Variants in TTF1 observed in about 807,000 individuals in gnomAD.
The protein encoded by TTF1 is transcription termination factor 1.
A neutral mutation model predicts 80.2 loss-of-function variants in TTF1; 64 were observed. The ratio of observed to expected loss-of-function variants is 0.80; its 90% confidence interval spans 0.65 to 0.98. TTF1 has a LOEUF of 0.98. Ranked by LOEUF, TTF1 falls within the 50% of genes least tolerant of loss-of-function variation. The probability of loss-of-function intolerance (pLI) is 0.00; values close to 1 mark genes in which losing one functional copy is unlikely to be tolerated. For missense variants in TTF1, 1,023 were observed against 1,086.2 expected (o/e 0.94, Z 0.82); for synonymous variants, 372 against 382.7 (o/e 0.97, Z 0.33).
chr9:132,396,975 T>G (rs1414897745), intron 4 of TTF1, among the ~76,000 whole-genome samples: 1 of 152,050 alleles, frequency 6.6e-6, no homozygotes, highest in East Asian at 1.9e-4. Flanking sequence ...CCTCAGGTGA[T>G]CCGCCCTCCT....
At chr9:132,382,998 G>A (rs1334984242) in intron 9 of TTF1, among the ~76,000 whole-genome samples, 4 of 151,906 alleles carry the variant, frequency 2.6e-5, no homozygotes, top group African/African-American at 9.7e-5. Flanking sequence ...CCGGAAGGTG[G>A]AGGTTGCAGG....
At position 132,380,375 on chromosome 9, in the gene TTF1, G is replaced by A. The variant is rs561492751; in HGVS notation, c.2379-1231C>T. On this transcript the variant is annotated intron_variant, in intron 9 of 10. Coordinates refer to ENST00000334270, the MANE Select transcript of TTF1 (RefSeq NM_007344.4). ...ACTACAGGCATGAGCCACTGCACCT[G>A]GCCCATTATCTCCTTTAGCCTTCCT... 3.3e-5 allele frequency among the ~76,000 whole-genome samples: 5 copies of A among 152,256 alleles called. No homozygotes were observed. In the South Asian group the frequency reaches 1.0e-3, roughly 32 times the overall value.
Position 132,392,378 on chromosome 9 carries a change from C to A in TTF1, c.1857-172G>T, listed in dbSNP as rs74355629. Among the ~76,000 whole-genome samples, 678 of 152,294 alleles carry A rather than the reference C, an allele frequency of 4.5e-3. 14 individuals are homozygous for A. In the East Asian group the frequency reaches 0.053, roughly 12 times the overall value. On this transcript the variant is annotated intron_variant, in intron 5 of 10. Coordinates refer to ENST00000334270, the MANE Select transcript of TTF1 (RefSeq NM_007344.4). ...GGCGTCTCACTGGTGGTCATCCTATCAATCAATCACTGAAGTGGAGACCAG... is the reference window on the plus strand; with the variant it reads ...GGCGTCTCACTGGTGGTCATCCTATAAATCAATCACTGAAGTGGAGACCAG...
chr9:132,395,713 C>T (rs928944600), intron 5 of TTF1, among the ~76,000 whole-genome samples: 2 of 152,154 alleles, frequency 1.3e-5, no homozygotes, highest in Non-Finnish European at 2.9e-5. Flanking sequence ...CAGAGCTAAG[C>T]AGAACTCAAC....
intron 7 of TTF1, among the ~76,000 whole-genome samples, chr9:132,389,824 C>T (rs1473192074): frequency 2.0e-5 from 3 of 152,176 alleles, no homozygotes; most frequent in Non-Finnish European, 1.5e-5. Context: ...CTGAAACTGT[C>T]TCTATGTGAC....
intron 9 of TTF1, among the ~76,000 whole-genome samples, chr9:132,385,448 G>A (rs1237125581): frequency 6.6e-6 from 1 of 152,274 alleles, no homozygotes; most frequent in South Asian, 2.1e-4. Flanking sequence ...TGAGGCGTGG[G>A]AGTCTGGCCT....
chr9:132,381,101 A>G (rs535153773), intron 9 of TTF1, among the ~76,000 whole-genome samples: 4 of 152,264 alleles, frequency 2.6e-5, no homozygotes, highest in East Asian at 1.9e-4. Flanking sequence ...TAAACATGTA[A>G]TTTTATTTAA....
chr9:132,398,073 A>C, intron 4 of TTF1, 68 bp downstream of exon 4: 1 of 1,385,594 alleles, frequency 7.2e-7, no homozygotes, highest in Non-Finnish European at 9.7e-7. Flanking sequence ...GCTAACACTT[A>C]CCATGGGTTA....
At chr9:132,377,544 GGTGT>G (rs1232065046) in intron 10 of TTF1, among the ~76,000 whole-genome samples, 4 of 128,962 alleles carry the variant, frequency 3.1e-5, no homozygotes, top group South Asian at 5.4e-4. Context: ...GAGTGCATGT[GGTGT>G]GTGTGTGAAT....
chr9:132,390,709 T>C lies in TTF1; in HGVS notation c.2110A>G (p.Asn704Asp). The C allele has an allele frequency of 6.2e-7, 1 of 1,614,238 alleles. No individual in the cohort carries two copies. Residue 704 changes from asparagine to aspartate, a missense_variant, in exon 7 of 11, where the codon AAT becomes GAT. Coordinates refer to ENST00000334270, the MANE Select transcript of TTF1 (RefSeq NM_007344.4). ...ACAATTGATAGGCAACTTTCAGGATTTTCTTGGAGTTTGGAATCCACCTCT... is the reference window on the plus strand; with the variant it reads ...ACAATTGATAGGCAACTTTCAGGATCTTCTTGGAGTTTGGAATCCACCTCT... ...LKEVDSKLQE[N>D]PESCLSIVRE...
chr9:132,382,116 T>C (rs1383540256), intron 9 of TTF1, among the ~76,000 whole-genome samples: 1 of 152,168 alleles, frequency 6.6e-6, no homozygotes, highest in East Asian at 1.9e-4. Context: ...AGTTGAGATA[T>C]CGAGAGTGGT....
At chr9:132,383,385 G>C (rs1318608586) in intron 9 of TTF1, among the ~76,000 whole-genome samples, 1 of 152,138 alleles carries the variant, frequency 6.6e-6, no homozygotes, top group Non-Finnish European at 1.5e-5. Context: ...ATATCAATGT[G>C]AAACTTCCTG....
Position 132,400,249 on chromosome 9 carries a change from A to G in TTF1, c.1377T>C (p.Pro459=), listed in dbSNP as rs1849736373. 6.2e-7 allele frequency: 1 copy of G among 1,614,080 alleles called. No individual in the cohort carries two copies. The highest frequency in any genetic ancestry group is 1.3e-5 in the African/African-American group (1 of 74,936). ...KHVQEAPRLE[P]ANEEHNVETA... is the part of the protein sequence containing the mutation. ...TTTCCACATTGTGTTCTTCATTTGC[A>G]GGTTCTAACCTAAGGGGTTAGAAAA... Residue 459 remains proline (P), a synonymous_variant, in exon 3 of 11, where the codon CCT becomes CCC. Transcript: ENST00000334270.
chr9:132,386,162 TG>T (rs34429874), intron 9 of TTF1, among the ~76,000 whole-genome samples: 1 of 152,142 alleles, frequency 6.6e-6, no homozygotes, highest in African/African-American at 2.4e-5. Context: ...ATTTTTCCAC[TG>T]GAAAACTGAA....
At chr9:132,377,074 TG>T (rs1431206516) in intron 10 of TTF1, among the ~76,000 whole-genome samples, 2 of 152,240 alleles carry the variant, frequency 1.3e-5, no homozygotes, top group African/African-American at 2.4e-5. Context: ...AAGAAGGAAC[TG>T]GGTGTCTTTT....
At chr9:132,396,902 G>C (rs964016438) in intron 4 of TTF1, among the ~76,000 whole-genome samples, 2 of 151,956 alleles carry the variant, frequency 1.3e-5, no homozygotes, top group Admixed American at 6.6e-5. Flanking sequence ...GGTGAAGGCT[G>C]CTTCACCAAA....
rs1384023736 is a variant in TTF1, at chr9:132,401,626, C to T, written c.1196G>A (p.Arg399Lys). The T allele has an allele frequency of 2.5e-6, 4 of 1,614,068 alleles. No individual in the cohort carries two copies. Among genetic ancestry groups the T allele is most frequent in the Non-Finnish European group, 3.4e-6 (4 of 1,180,052 alleles). The change falls in exon 2 of 11, where the codon AGG becomes AAG. Residue 399 changes from arginine to lysine, a missense_variant. Arg to Lys is a conservative substitution (Grantham distance 26, BLOSUM62 2). Coordinates refer to ENST00000334270, the MANE Select transcript of TTF1 (RefSeq NM_007344.4). ...AAAATCATCACCAGACACTCGTGCC[C>T]TTTTGACAGACGTAAGCTTCCTTTT... ...SKKRKLTSVK[R>K]ARVSGDDFSV...
intron 3 of TTF1, among the ~76,000 whole-genome samples, chr9:132,399,059 C>G (rs1375219504): frequency 6.6e-6 from 1 of 151,716 alleles, no homozygotes; most frequent in Non-Finnish European, 1.5e-5. Context: ...ATTAGCTGGG[C>G]TTGGTGGCAG....
chr9:132,377,753 G>GGT (rs1307060415), intron 10 of TTF1, among the ~76,000 whole-genome samples: 2 of 125,050 alleles, frequency 1.6e-5, no homozygotes, highest in Non-Finnish European at 3.3e-5. Context: ...GAGTGCATGT[G>GGT]GTGCGTGTGA....
Sources: gnomAD v4.1 joint callset for allele counts (sites outside exome capture counted in the v4.1 genomes callset) on GRCh38, gnomAD v4.1.1 for gene constraint, MANE v1.5 for transcripts, NCBI Gene and HGNC (gene_info 2026-07-23, HGNC 2026-07-21) for gene names.